Variants in C10orf67 observed in about 807,000 individuals in gnomAD.
C10orf67 encodes chromosome 10 open reading frame 67, also known as uncharacterized protein C10orf67, mitochondrial.
In C10orf67, 60 loss-of-function variants were observed where a neutral mutation model predicts 35.6. The ratio of observed to expected loss-of-function variants is 1.68; its 90% CI spans 1.37 to 2.09. C10orf67 has a LOEUF of 2.09. Ranked by LOEUF, C10orf67 falls within the 30% of genes most tolerant of loss-of-function variation. C10orf67 has a pLI of 0.00. For missense variants in C10orf67, 474 were observed against 330.2 expected, an observed-to-expected ratio of 1.44 and a Z score of -3.38; for synonymous variants, 167 against 115.8, an observed-to-expected ratio of 1.44 and a Z score of -2.84.
intron 13 of C10orf67, among the ~76,000 whole-genome samples, chr10:23,225,331 T>C (rs1841705782): frequency 6.6e-6 from 1 of 151,836 alleles, no homozygotes; most frequent in African/African-American, 2.4e-5. Context: ...AGAGATTTTG[T>C]CACCACCAGG....
chr10:23,243,703 A>T (rs1842241870), intron 12 of C10orf67, among the ~76,000 whole-genome samples: 1 of 152,064 alleles, frequency 6.6e-6, no homozygotes, highest in Non-Finnish European at 1.5e-5. Context: ...AAAAAAAAAA[A>T]AATTCATTCT....
At chr10:23,310,116 G>C (rs1844440677) in intron 4 of C10orf67, among the ~76,000 whole-genome samples, 1 of 152,198 alleles carries the variant, frequency 6.6e-6, no homozygotes, top group Non-Finnish European at 1.5e-5. Flanking sequence ...TGCAAATCTA[G>C]TTTCTAGTCT....
chr10:23,312,462 C>T (rs1272842605), intron 4 of C10orf67, among the ~76,000 whole-genome samples: 1 of 152,138 alleles, frequency 6.6e-6, no homozygotes, highest in East Asian at 1.9e-4. Context: ...TCCATTTTCC[C>T]TGTCCCTGCC....
chr10:23,209,876 T>G (rs954686386), intron 15 of C10orf67, among the ~76,000 whole-genome samples: 2 of 151,666 alleles, frequency 1.3e-5, no homozygotes, highest in Admixed American at 6.6e-5. Context: ...GGCGCACACC[T>G]GTGGTCCCAG....
chr10:23,278,069 C>T (rs893977629), intron 8 of C10orf67, among the ~76,000 whole-genome samples: 1 of 152,192 alleles, frequency 6.6e-6, no homozygotes, highest in Admixed American at 6.5e-5. Flanking sequence ...GGAGATGACG[C>T]TAAACCATTC....
At chr10:23,335,069 T>G (rs996146739) in intron 1 of C10orf67, among the ~76,000 whole-genome samples, 1 of 151,578 alleles carries the variant, frequency 6.6e-6, no homozygotes, top group Non-Finnish European at 1.5e-5. Context: ...GTGCCTGTAA[T>G]CCCAGCTACT....
chr10:23,328,651 A>G (rs10828430), intron 2 of C10orf67, among the ~76,000 whole-genome samples: 19,440 of 150,708 alleles, frequency 0.13, 2,245 homozygotes, highest in East Asian at 0.63. Flanking sequence ...GCTATATGCT[A>G]TCCTAATTGA....
In C10orf67 at chr10:23,333,094, C is replaced by A. The variant is rs1471490031; in HGVS notation, c.295G>T (p.Glu99Ter). The change falls in exon 2 of 16, where the codon GAA (glutamate) becomes TAA (stop). Residue 99 changes from glutamate to a stop codon, truncating the protein, a stop_gained. Coordinates refer to ENST00000636213, the MANE Select transcript of C10orf67 (RefSeq NM_001371909.1). LOFTEE classifies it high-confidence loss of function. ...AACTTTTGCGTAGATGAACTCAATT[C>A]TTTTACTGACAGTATTTCACTGGAA... The part of the protein sequence containing the change: ...TDSSEILSVK[E>*]LSSSTQKLAQ... 1.9e-6 allele frequency: 3 copies of A among 1,611,940 alleles called. No homozygotes were observed. The highest frequency in any genetic ancestry group is 3.3e-5 in the Admixed American group (2 of 59,704).
At chr10:23,241,820 A>G (rs747522175) in intron 12 of C10orf67, among the ~76,000 whole-genome samples, 35 of 152,186 alleles carry the variant, frequency 2.3e-4, no homozygotes, top group Non-Finnish European at 2.9e-4. Context: ...AATAAAAGTA[A>G]CTATACCTAG....
At chr10:23,270,616 T>G (rs960776512) in intron 8 of C10orf67, among the ~76,000 whole-genome samples, 4 of 152,188 alleles carry the variant, frequency 2.6e-5, no homozygotes, top group African/African-American at 9.6e-5. Flanking sequence ...GCCTTACAGG[T>G]TAAGACCCAC....
At chr10:23,323,345 C>G (rs1845031609) in intron 2 of C10orf67, among the ~76,000 whole-genome samples, 1 of 152,120 alleles carries the variant, frequency 6.6e-6, no homozygotes, top group Admixed American at 6.5e-5. Context: ...AATGTATTCA[C>G]TAGGGCTCCC....
At chr10:23,226,950 A>G (rs2132113809) in intron 13 of C10orf67, among the ~76,000 whole-genome samples, 1 of 152,342 alleles carries the variant, frequency 6.6e-6, no homozygotes, top group Non-Finnish European at 1.5e-5. Context: ...AATAATTAAT[A>G]GCCTTCCAAC....
chr10:23,319,580 C>T (rs768567057), intron 4 of C10orf67, among the ~76,000 whole-genome samples: 1 of 152,222 alleles, frequency 6.6e-6, no homozygotes. Flanking sequence ...GAGAAATCTT[C>T]AGACTGCTTT....
At chr10:23,283,316 G>A (rs528510910) in intron 7 of C10orf67, among the ~76,000 whole-genome samples, 1 of 152,138 alleles carries the variant, frequency 6.6e-6, no homozygotes, top group Admixed American at 6.5e-5. Flanking sequence ...GTGTGTTATA[G>A]GCTAGTAAAA....
intron 4 of C10orf67, chr10:23,319,035 C>G: frequency 1.5e-6 from 1 of 689,564 alleles, no homozygotes; most frequent in South Asian, 1.6e-5. Flanking sequence ...TCAGAGGGTA[C>G]ATGTACAGGT....
intron 2 of C10orf67, among the ~76,000 whole-genome samples, chr10:23,331,596 A>T (rs536067977): frequency 1.7e-5 from 2 of 116,750 alleles, no homozygotes; most frequent in East Asian, 6.0e-4. Context: ...GGGGAGGGGA[A>T]CCTGGAGAGA....
chr10:23,218,628 G>C (rs1167951182), intron 15 of C10orf67, among the ~76,000 whole-genome samples: 1 of 152,076 alleles, frequency 6.6e-6, no homozygotes, highest in East Asian at 1.9e-4. Context: ...TTGAATAATA[G>C]GTAACTGATG....
intron 4 of C10orf67, among the ~76,000 whole-genome samples, chr10:23,310,554 G>C (rs2132305185): frequency 6.6e-6 from 1 of 152,262 alleles, no homozygotes; most frequent in East Asian, 1.9e-4. Context: ...TGCCTCACTG[G>C]CTTCTGTCCT....
intron 7 of C10orf67, among the ~76,000 whole-genome samples, chr10:23,282,862 T>C (rs965455236): frequency 1.3e-5 from 2 of 151,264 alleles, no homozygotes; most frequent in Admixed American, 6.6e-5. Context: ...AGCTAGAAAT[T>C]GAAACAATTG....
Sources: allele counts gnomAD v4.1 joint callset (sites outside exome capture counted in the v4.1 genomes callset), GRCh38; gene constraint gnomAD v4.1.1; transcripts MANE v1.5; gene names NCBI Gene and HGNC (gene_info 2026-07-23, HGNC 2026-07-21).